Variants in DLGAP1 observed in about 807,000 individuals in gnomAD.
DLGAP1 encodes disks large-associated protein 1.
DLGAP1 carries 11 observed loss-of-function variants against 90.8 expected under a neutral mutation model. That is an observed-to-expected ratio of 0.12 (90% CI 0.08 to 0.20). The LOEUF (loss-of-function observed/expected upper bound fraction) is 0.20. DLGAP1 is among the 10% of genes least tolerant of loss of function. The probability of loss-of-function intolerance (pLI) is 1.00; values close to 1 mark genes in which losing one functional copy is unlikely to be tolerated. For synonymous variants in DLGAP1, 558 were observed against 540.7 expected, an observed-to-expected ratio of 1.03 and a Z score of -0.44; for missense variants, 1,050 against 1,333.8, an observed-to-expected ratio of 0.79 and a Z score of 3.31.
At chr18:4,075,707 G>GT (rs2075512792) in intron 2 of DLGAP1, among the ~76,000 whole-genome samples, 2 of 151,970 alleles carry the variant, frequency 1.3e-5, no homozygotes, top group African/African-American at 4.8e-5. Context: ...TATCTAGAGC[G>GT]TAAGTATTAA....
intron 7 of DLGAP1, among the ~76,000 whole-genome samples, chr18:3,712,971 G>A (rs1233673873): frequency 6.6e-6 from 1 of 152,168 alleles, no homozygotes; most frequent in Non-Finnish European, 1.5e-5. Context: ...CAGAAGGATG[G>A]GGCAGGACAC....
At chr18:3,592,618 C>G (rs982766220) in intron 7 of DLGAP1, among the ~76,000 whole-genome samples, 5 of 151,912 alleles carry the variant, frequency 3.3e-5, no homozygotes, top group Non-Finnish European at 7.4e-5. Flanking sequence ...GCATAAGGAT[C>G]GCTTTAGCCC....
At chr18:4,036,931 A>T (rs2074897640) in intron 2 of DLGAP1, among the ~76,000 whole-genome samples, 1 of 152,208 alleles carries the variant, frequency 6.6e-6, no homozygotes, top group Non-Finnish European at 1.5e-5. Context: ...GTTTCTTAAT[A>T]TGAGTGAATT....
chr18:3,925,184 A>G (rs140066037), intron 3 of DLGAP1, among the ~76,000 whole-genome samples: 1,952 of 152,066 alleles, frequency 0.013, 42 homozygotes, highest in African/African-American at 0.045. Context: ...AACTCCTGAC[A>G]TCAGGTGAGC....
chr18:3,804,276 A>T (rs1333682286), intron 5 of DLGAP1, among the ~76,000 whole-genome samples: 2 of 152,110 alleles, frequency 1.3e-5, no homozygotes, highest in Non-Finnish European at 1.5e-5. Flanking sequence ...TGGGCCACCA[A>T]GCCCAGCCAC....
chr18:4,136,534 T>C (rs1213150877), intron 2 of DLGAP1, among the ~76,000 whole-genome samples: 1 of 152,258 alleles, frequency 6.6e-6, no homozygotes, highest in Admixed American at 6.5e-5. Context: ...TATTTGTATG[T>C]CTTGTTTTAA....
chr18:3,861,586 C>G (rs1282605176), intron 4 of DLGAP1, among the ~76,000 whole-genome samples: 1 of 152,190 alleles, frequency 6.6e-6, no homozygotes, highest in Admixed American at 6.5e-5. Context: ...TAGAGAACAC[C>G]TGAATTAGGT....
In DLGAP1 at chr18:4,198,200, G is replaced by A. The variant is rs548210200; in HGVS notation, c.-266-46913C>T. 4.4e-4 allele frequency among the ~76,000 whole-genome samples: 67 copies of A among 152,230 alleles called. 1 individual carries two copies. Among genetic ancestry groups the A allele is most frequent in the South Asian group, 4.4e-3 (21 of 4,824 alleles). ...CGTGCCACTGCACTCCAGCCTGGGC[G>A]ACAGAGTGAGACTCTGTCTCAAAAA... On this transcript the variant is annotated intron_variant, in intron 1 of 12. Transcript: ENST00000315677.
chr18:3,594,830 G>A lies in DLGAP1; in HGVS notation c.1592-12582C>T, dbSNP rs1465743602. Among the ~76,000 whole-genome samples the A allele has an allele frequency of 2.3e-4, 35 of 152,196 alleles. 1 individual carries two copies. The highest frequency in any genetic ancestry group is 2.3e-3 in the Admixed American group (35 of 15,276). On this transcript the variant is annotated intron_variant, in intron 7 of 12. Coordinates refer to ENST00000315677, the MANE Select transcript of DLGAP1 (RefSeq NM_004746.4). ...CCCAGAAACAGGATTCCTGCAGGGTGGGACTGGCATTTTCCATTTTTATCT... is the reference window on the plus strand; with the variant it reads ...CCCAGAAACAGGATTCCTGCAGGGTAGGACTGGCATTTTCCATTTTTATCT...
chr18:3,929,081 GA>G (rs2072458092), intron 3 of DLGAP1, among the ~76,000 whole-genome samples: 1 of 152,094 alleles, frequency 6.6e-6, no homozygotes, highest in Admixed American at 6.5e-5. Flanking sequence ...TAAGTTTCCT[GA>G]GGTCTCCCAG....
At chr18:4,359,008 C>T (rs945747182) in intron 1 of DLGAP1, among the ~76,000 whole-genome samples, 2 of 152,216 alleles carry the variant, frequency 1.3e-5, no homozygotes, top group African/African-American at 2.4e-5. Flanking sequence ...TAATTAACAG[C>T]CTTCCCTCTC....
At chr18:3,562,539 CTTTTTTTTTT>C (rs59612709) in intron 9 of DLGAP1, among the ~76,000 whole-genome samples, 1,350 of 118,142 alleles carry the variant, frequency 0.011, 28 homozygotes, top group African/African-American at 0.044. Flanking sequence ...TCTTCTCTCC[CTTTTTTTTTT>C]TTTTTTTTTT....
intron 1 of DLGAP1, among the ~76,000 whole-genome samples, chr18:4,394,317 T>C (rs2082397483): frequency 6.6e-6 from 1 of 152,214 alleles, no homozygotes; most frequent in Admixed American, 6.5e-5. Flanking sequence ...TGTCTACTGT[T>C]CTTTAATCAG....
At chr18:4,326,260 A>G (rs371406274) in intron 1 of DLGAP1, among the ~76,000 whole-genome samples, 1 of 152,148 alleles carries the variant, frequency 6.6e-6, no homozygotes, top group Non-Finnish European at 1.5e-5. Context: ...AACATTGTTA[A>G]TCATCACACA....
intron 2 of DLGAP1, among the ~76,000 whole-genome samples, chr18:4,119,668 TAA>T (rs2144094977): frequency 6.6e-6 from 1 of 152,194 alleles, no homozygotes; most frequent in Admixed American, 6.5e-5. Flanking sequence ...TCTTCCAAGC[TAA>T]AAAGAGTGAA....
In DLGAP1 at chr18:3,544,367, G is replaced by A. The variant is rs553821599; in HGVS notation, c.2058-9752C>T. Among the ~76,000 whole-genome samples, 12 of 152,026 alleles carry A rather than the reference G, an allele frequency of 7.9e-5. No individual in the cohort carries two copies. In the South Asian group the frequency reaches 1.2e-3, roughly 16 times the overall value. ...TGTGCCACTGCACTCCAGCATGGGC[G>A]AAAAAGCGAGACTCCATCTCAGAAA... is the stretch of plus-strand genomic sequence containing the variant. On this transcript the variant is annotated intron_variant, in intron 9 of 12. Coordinates refer to ENST00000315677, the MANE Select transcript of DLGAP1 (RefSeq NM_004746.4).
intron 2 of DLGAP1, among the ~76,000 whole-genome samples, chr18:4,049,211 A>T (rs1371657007): frequency 7.1e-6 from 1 of 140,270 alleles, no homozygotes; most frequent in Admixed American, 7.2e-5. Context: ...TTGGCAGCAC[A>T]GCAAGACTCT....
At chr18:3,930,737 G>A (rs1189823294) in intron 3 of DLGAP1, among the ~76,000 whole-genome samples, 2 of 152,102 alleles carry the variant, frequency 1.3e-5, no homozygotes, top group Non-Finnish European at 2.9e-5. Flanking sequence ...ACTTTCCAGT[G>A]ACACTAAAAT....
intron 7 of DLGAP1, among the ~76,000 whole-genome samples, chr18:3,592,341 T>G (rs73381222): frequency 0.045 from 6,844 of 152,294 alleles, 509 homozygotes; most frequent in African/African-American, 0.16. Flanking sequence ...TGCGGTGATG[T>G]GTTATGCTGG....
Sources: gnomAD v4.1 joint callset for allele counts (sites outside exome capture counted in the v4.1 genomes callset) on GRCh38, gnomAD v4.1.1 for gene constraint, MANE v1.5 for transcripts, NCBI Gene and HGNC (gene_info 2026-07-23, HGNC 2026-07-21) for gene names.